Variants in SNRNP200 observed in about 807,000 individuals in gnomAD.
SNRNP200 encodes small nuclear ribonucleoprotein U5 subunit 200, also known as U5 small nuclear ribonucleoprotein 200 kDa helicase.
In SNRNP200, 66 loss-of-function variants were observed where a neutral mutation model predicts 255.2. The observed-to-expected ratio is 0.26, with a 90% CI of 0.21 to 0.32. The LOEUF (loss-of-function observed/expected upper bound fraction) is 0.32. SNRNP200 is among the 10% of genes least tolerant of loss of function. The pLI is 1.00. For synonymous variants in SNRNP200, 939 were observed against 1,027.8 expected, an observed-to-expected ratio of 0.91 and a Z score of 1.65; for missense variants, 1,585 against 2,749.8, an observed-to-expected ratio of 0.58 and a Z score of 9.47.
In SNRNP200 at chr2:96,289,950, A is replaced by C; in HGVS notation, c.2789T>G (p.Leu930Arg). The change falls in exon 21 of 45, where the codon CTG becomes CGG. Residue 930 changes from leucine (L) to arginine (R), a missense_variant. Leu to Arg is a moderately radical substitution (Grantham distance 102). This residue lies in a region of SNRNP200 where 719 missense variants were observed against 1,091.1 expected (regional missense o/e 0.66). Transcript: ENST00000323853. ...GATGCCATAGAGGGTTGGGGATCGC[A>C]GCATTCGGATATAGAGGTAGGCATA... ...LGYAYLYIRM[L>R]RSPTLYGISH... 1 of 1,614,142 alleles carries C rather than the reference A, an allele frequency of 6.2e-7. No homozygotes were observed. The highest frequency in any genetic ancestry group is 8.5e-7 in the Non-Finnish European group (1 of 1,180,020).
rs1397945230 is a variant in SNRNP200 at position 96,299,324 on chromosome 2, C to T, written c.729+5G>A. On this transcript the variant is annotated splice_donor_5th_base_variant and intron_variant, in intron 6 of 44. Coordinates refer to ENST00000323853, the MANE Select transcript of SNRNP200 (RefSeq NM_014014.5). ...TAGCAATGAGGAAGAGCAAACTGAA[C>T]TTACATTAGCCGAGAGGGTGCAGCG... 1 of 1,613,566 alleles carries T rather than the reference C, an allele frequency of 6.2e-7. No homozygotes were observed. The highest frequency in any genetic ancestry group is 1.7e-5 in the Admixed American group (1 of 60,030).
chr2:96,303,255 A>T lies in SNRNP200; in HGVS notation c.285T>A (p.Asp95Glu), dbSNP rs1292389990. 1 of 1,614,016 alleles carries T rather than the reference A, an allele frequency of 6.2e-7. No individual in the cohort carries two copies. The highest frequency in any genetic ancestry group is 8.5e-7 in the Non-Finnish European group (1 of 1,179,876). Residue 95 changes from aspartate (D) to glutamate (E), a missense_variant, in exon 3 of 45, where the codon GAT (aspartate) becomes GAA (glutamate). Asp to Glu is a conservative substitution (Grantham distance 45, BLOSUM62 2). Transcript: ENST00000323853. ...KGYTLLSEGI[D>E]EMVGIIYKPK... is the part of the protein sequence containing the mutation. ...GCTTGTAGATGATGCCCACCATCTC[A>T]TCAATGCCCTCCGACAGCAGAGTAT...
In SNRNP200 at chr2:96,290,648, G is replaced by A. The variant is rs1437833374; in HGVS notation, c.2553+36C>T. The A allele has an allele frequency of 6.2e-7, 1 of 1,613,854 alleles. No homozygotes were observed. The highest frequency in any genetic ancestry group is 8.5e-7 in the Non-Finnish European group (1 of 1,179,918). On this transcript the variant is annotated intron_variant, in intron 19 of 44. Transcript: ENST00000323853. The surrounding 1 kb of genome is among the most constrained non-coding windows in gnomAD (Gnocchi z 4.5). The stretch of plus-strand genomic sequence containing the variant: ...TCCCTGCATTTCAGGCAAGGATACT[G>A]ATCCCTGCTGAGAATAAACTCAAAA...
chr2:96,289,518 A>G, intron 21 of SNRNP200, 139 bp from the exon 22 acceptor site: 1 of 937,534 alleles, frequency 1.1e-6, no homozygotes, highest in Non-Finnish European at 1.7e-6. Context: ...TTATTGTCCT[A>G]ATAGGACAAC....
intron 35 of SNRNP200, among the ~76,000 whole-genome samples, chr2:96,280,068 C>G (rs1401718201): frequency 6.6e-6 from 1 of 152,158 alleles, no homozygotes; most frequent in East Asian, 1.9e-4. Context: ...ACCACACTTT[C>G]CAAACTTCAT....
chr2:96,300,000 C>T (rs2063942478), intron 5 of SNRNP200, among the ~76,000 whole-genome samples: 1 of 152,172 alleles, frequency 6.6e-6, no homozygotes. Context: ...ATTGAAATGG[C>T]CTCATTTTAT....
chr2:96,295,505 C>T lies in SNRNP200; in HGVS notation c.1825G>A (p.Val609Met). Residue 609 changes from valine (V) to methionine (M), a missense_variant, in exon 14 of 45, where the codon GTG becomes ATG. Coordinates refer to ENST00000323853, the MANE Select transcript of SNRNP200 (RefSeq NM_014014.5). ...CAACTCACCAGAATGATGAGCCGCA[C>T]CAGCTGGGTGTAGGTGCGCTCACCA... is the stretch of plus-strand genomic sequence containing the variant. ...KGGERTYTQL[V>M]RLIILDEIHL... The T allele has an allele frequency of 6.2e-7, 1 of 1,613,860 alleles. No homozygotes were observed. The highest frequency in any genetic ancestry group is 8.5e-7 in the Non-Finnish European group (1 of 1,180,034).
At position 96,286,419 on chromosome 2, in the gene SNRNP200, T is replaced by A. The variant is rs1372480712; in HGVS notation, c.3895A>T (p.Thr1299Ser). 6.2e-7 allele frequency: 1 copy of A among 1,613,892 alleles called. No homozygotes were observed. The highest frequency in any genetic ancestry group is 8.5e-7 in the Non-Finnish European group (1 of 1,179,980). Residue 1299 changes from threonine to serine, a missense_variant, in exon 29 of 45, where the codon ACC becomes TCC. Physicochemically the swap from Thr to Ser is moderately conservative, Grantham distance 58. Transcript: ENST00000323853. This position sits in a 1 kb window ranked among gnomAD's most constrained non-coding sequence, Gnocchi z 4.8. ...LILPEKYPPP[T>S]ELLDLQPLPV... Reference sequence around the variant, plus strand: ...AAGGGCTGCAGGTCCAAAAGTTCGGTTGGAGGGGGGTACTTCTCCGGCAAG... The same window carrying A: ...AAGGGCTGCAGGTCCAAAAGTTCGGATGGAGGGGGGTACTTCTCCGGCAAG...
rs2104352466 is a variant in SNRNP200, at chr2:96,293,420, C to T, written c.1932G>A (p.Glu644=). ...CACTGAGACCAATGAGTCGGACATC[C>T]TCTTGGGTCATCTCAATGTTTCGGA... ...RAIRNIEMTQ[E]DVRLIGLSAT... The change falls in exon 15 of 45, where the codon GAG becomes GAA. Residue 644 remains glutamate, a synonymous_variant. Transcript: ENST00000323853. 1.2e-6 allele frequency: 2 copies of T among 1,613,724 alleles called. No individual in the cohort carries two copies. Among genetic ancestry groups the T allele is most frequent in the Non-Finnish European group, 1.7e-6 (2 of 1,179,990 alleles).
chr2:96,297,277 T>A (rs2063922697), intron 11 of SNRNP200, 86 bp downstream of exon 11: 1 of 1,573,638 alleles, frequency 6.4e-7, no homozygotes, highest in Admixed American at 1.7e-5. Context: ...AAACTATATA[T>A]GAAACAAGGC....
In SNRNP200 at chr2:96,278,773, C is replaced by T; in HGVS notation, c.5323+36G>A. 2 of 1,614,168 alleles carry T rather than the reference C, an allele frequency of 1.2e-6. No homozygotes were observed. The highest frequency in any genetic ancestry group is 1.7e-6 in the Non-Finnish European group (2 of 1,180,022). ...GATGCCCAGCAAAGACTGTGAGAAC[C>T]ACCAAAGGATCACGTGTGCTCCCAA... is the stretch of plus-strand genomic sequence containing the variant. On this transcript the variant is annotated intron_variant, in intron 37 of 44. Coordinates refer to ENST00000323853, the MANE Select transcript of SNRNP200 (RefSeq NM_014014.5). This position sits in a 1 kb window ranked among gnomAD's most constrained non-coding sequence, Gnocchi z 6.9.
At position 96,279,567 on chromosome 2, in the gene SNRNP200, C is replaced by T; in HGVS notation, c.5025-8G>A. ...ATGGGGTAATCCACATAGCTGGTGA[C>T]AGAAGCAGGGAAAGAAGGAAAAGCC... On this transcript the variant is annotated splice_polypyrimidine_tract_variant and splice_region_variant and intron_variant, in intron 35 of 44. Transcript: ENST00000323853. The T allele has an allele frequency of 1.3e-6, 2 of 1,597,850 alleles. No individual in the cohort carries two copies. Among genetic ancestry groups the T allele is most frequent in the Non-Finnish European group, 1.7e-6 (2 of 1,165,676 alleles).
At position 96,290,630 on chromosome 2, in the gene SNRNP200, A is replaced by G. The variant is rs1246236965; in HGVS notation, c.2553+54T>C. The G allele has an allele frequency of 1.9e-6, 3 of 1,613,446 alleles. No individual in the cohort carries two copies. Among genetic ancestry groups the G allele is most frequent in the South Asian group, 1.1e-5 (1 of 91,070 alleles). ...TCTGCTAGCTTTCCAGCATCCCTGC[A>G]TTTCAGGCAAGGATACTGATCCCTG... is the stretch of plus-strand genomic sequence containing the variant. On this transcript the variant is annotated intron_variant, in intron 19 of 44. Transcript: ENST00000323853. The surrounding 1 kb of genome is among the most constrained non-coding windows in gnomAD (Gnocchi z 4.5).
Position 96,305,399 on chromosome 2 carries a change from G to A in SNRNP200, c.39C>T (p.Tyr13=). Residue 13 remains tyrosine, a synonymous_variant, in exon 1 of 45, where the codon TAC becomes TAT. Transcript: ENST00000323853. Reference sequence around the variant, plus strand: ...TCCCCAAGACCAAACGCACCGCCTTGTACTCGTATTGCAGACTACGGGCGG... The same window carrying A: ...TCCCCAAGACCAAACGCACCGCCTTATACTCGTATTGCAGACTACGGGCGG... The part of the protein sequence containing the change: ...DVTARSLQYE[Y]KANSNLVLQA... 1 of 1,614,110 alleles carries A rather than the reference G, an allele frequency of 6.2e-7. No individual in the cohort carries two copies. The highest frequency in any genetic ancestry group is 1.1e-5 in the South Asian group (1 of 91,084).
Position 96,287,407 on chromosome 2 carries a change from A to G in SNRNP200, c.3484+32T>C. On this transcript the variant is annotated intron_variant, in intron 26 of 44. Transcript: ENST00000323853. This position sits in a 1 kb window ranked among gnomAD's most constrained non-coding sequence, Gnocchi z 5.7. ...GGCAAACTGGGAGAGACACCCAGGC[A>G]GTGAGGACAAGGGCGAGAGCATCCC... is the stretch of plus-strand genomic sequence containing the variant. 1 of 1,474,468 alleles carries G rather than the reference A, an allele frequency of 6.8e-7. No homozygotes were observed. The highest frequency in any genetic ancestry group is 1.1e-5 in the South Asian group (1 of 88,294). 91.3% of individuals were successfully genotyped at this position (1,474,468 alleles called of 1,614,324 possible).
chr2:96,302,988 T>C (rs2063962486), intron 3 of SNRNP200, among the ~76,000 whole-genome samples, 171 bp downstream of exon 3: 1 of 152,168 alleles, frequency 6.6e-6, no homozygotes, highest in Non-Finnish European at 1.5e-5. Context: ...GTAGGCATGA[T>C]TGATTAAATG....
intron 5 of SNRNP200, 107 bp downstream of exon 5, chr2:96,300,891 A>G (rs1402433763): frequency 1.0e-6 from 1 of 956,330 alleles, no homozygotes; most frequent in African/African-American, 1.6e-5. Context: ...ATACAACACC[A>G]TAAAATTTAT....
At chr2:96,303,372 G>A (rs370526023) in intron 2 of SNRNP200, 42 bp from the exon 3 acceptor site, 14 of 1,611,386 alleles carry the variant, frequency 8.7e-6, no homozygotes, top group South Asian at 2.2e-5. Flanking sequence ...AGAACCTTTC[G>A]TCCCCAAGGG....
Position 96,287,318 on chromosome 2 carries a change from A to C in SNRNP200, c.3484+121T>G. On this transcript the variant is annotated intron_variant, in intron 26 of 44. Transcript: ENST00000323853. The surrounding 1 kb of genome is among the most constrained non-coding windows in gnomAD (Gnocchi z 5.7). The stretch of plus-strand genomic sequence containing the variant: ...CAGACCAAGGGCCAGCCTGTACTTC[A>C]GTGGGACTTGGGGAGTGAACACAGG... 2 of 1,183,612 alleles carry C rather than the reference A, an allele frequency of 1.7e-6. No homozygotes were observed. The highest frequency in any genetic ancestry group is 2.5e-5 in the South Asian group (2 of 81,620). The allele number at this position is 1,183,612 out of a possible 1,614,324, so 73.3% of individuals were successfully genotyped here. A position where few individuals can be genotyped will look rare whatever the true frequency, so the allele number is the denominator to read the frequency against.
Sources: allele counts gnomAD v4.1 joint callset (sites outside exome capture counted in the v4.1 genomes callset), GRCh38; gene constraint gnomAD v4.1.1; regional missense constraint gnomAD v4.1.1; non-coding constraint Gnocchi (gnomAD v3.1); transcripts MANE v1.5; gene names NCBI Gene and HGNC (gene_info 2026-07-23, HGNC 2026-07-21).